The following GPC5 variants were observed in gnomAD, a reference collection of about 807,000 sequenced individuals.
GPC5 encodes the protein glypican-5.
GPC5 carries 47 observed loss-of-function variants against 53.9 expected under a neutral mutation model. The ratio of observed to expected loss-of-function variants is 0.87; its 90% CI spans 0.69 to 1.11. The LOEUF (loss-of-function observed/expected upper bound fraction) is 1.11. Ranked by LOEUF, GPC5 falls within the 50% of genes most tolerant of loss-of-function variation. The pLI, the probability that GPC5 is intolerant of heterozygous loss-of-function variation, is 0.00. For missense variants in GPC5, 748 were observed against 713.1 expected, an observed-to-expected ratio of 1.05 and a Z score of -0.56; for synonymous variants, 286 against 263.3, an observed-to-expected ratio of 1.09 and a Z score of -0.84.
At chr13:92,040,171 G>T (rs1360487470) in intron 6 of GPC5, among the ~76,000 whole-genome samples, 3 of 152,134 alleles carry the variant, frequency 2.0e-5, no homozygotes, top group African/African-American at 7.2e-5. Flanking sequence ...TAACATTGAT[G>T]GGGGAAAAAA....
At chr13:92,119,470 C>G (rs2041629179) in intron 6 of GPC5, among the ~76,000 whole-genome samples, 1 of 136,794 alleles carries the variant, frequency 7.3e-6, no homozygotes, top group South Asian at 2.3e-4. Context: ...GCGATCTCGG[C>G]TCACTGCAGG....
chr13:92,636,016 A>G (rs1483611592), intron 7 of GPC5, among the ~76,000 whole-genome samples: 1 of 152,230 alleles, frequency 6.6e-6, no homozygotes, highest in Non-Finnish European at 1.5e-5. Flanking sequence ...TGAATTATAA[A>G]TAGAGTGAAT....
chr13:92,857,919 A>G (rs1314522617), intron 7 of GPC5, among the ~76,000 whole-genome samples: 3 of 152,178 alleles, frequency 2.0e-5, no homozygotes, highest in African/African-American at 4.8e-5. Context: ...AGATTTCTCA[A>G]TGAAATAAAA....
At chr13:91,449,895 T>C (rs935916013) in intron 2 of GPC5, among the ~76,000 whole-genome samples, 4 of 152,172 alleles carry the variant, frequency 2.6e-5, no homozygotes, top group African/African-American at 4.8e-5. Context: ...TGAAAATATC[T>C]AGATTATACA....
rs184861563 is a variant in GPC5, at chr13:92,522,099, G to A, written c.1562-344183G>A. On this transcript the variant is annotated intron_variant, in intron 7 of 7. Transcript: ENST00000377067. ...TCTCACACCAGTTAGAATGGCGATC[G>A]TTAAAAAGTCAGGAAACAACAGGTG... Among the ~76,000 whole-genome samples the A allele has an allele frequency of 1.3e-3, 201 of 152,188 alleles. 1 individual carries two copies. The highest frequency in any genetic ancestry group is 6.8e-3 in the Middle Eastern group (2 of 294).
intron 7 of GPC5, among the ~76,000 whole-genome samples, chr13:92,469,688 A>C (rs1878836199): frequency 6.6e-6 from 1 of 152,114 alleles, no homozygotes; most frequent in South Asian, 2.1e-4. Flanking sequence ...TGTTTAATTG[A>C]ACTTCTTGTA....
chr13:92,319,533 T>A (rs1202610057), intron 7 of GPC5, among the ~76,000 whole-genome samples: 6 of 152,162 alleles, frequency 3.9e-5, no homozygotes, highest in South Asian at 4.1e-4. Context: ...TAAAGCATGA[T>A]CCACTTAACA....
At chr13:92,470,553 G>A (rs1486020116) in intron 7 of GPC5, among the ~76,000 whole-genome samples, 2 of 151,934 alleles carry the variant, frequency 1.3e-5, no homozygotes, top group Non-Finnish European at 2.9e-5. Context: ...AAAACAGAAA[G>A]GCAAACTATA....
chr13:92,036,903 C>T (rs2040897682), intron 6 of GPC5, among the ~76,000 whole-genome samples: 1 of 152,160 alleles, frequency 6.6e-6, no homozygotes, highest in Admixed American at 6.5e-5. Flanking sequence ...TGATCTAGTA[C>T]AATTCTTTAC....
chr13:92,848,154 A>C (rs933161787), intron 7 of GPC5, among the ~76,000 whole-genome samples: 16 of 152,202 alleles, frequency 1.1e-4, no homozygotes, highest in African/African-American at 3.9e-4. Context: ...TATGTAAATA[A>C]AAATCATATT....
chr13:91,639,835 C>A lies in GPC5; in HGVS notation c.326-53352C>A, dbSNP rs1185976598. ...TTATTTGATTTCAATCTTGATACAA[C>A]CCTGAAAAGTAGGCTTTATTGTCTT... On this transcript the variant is annotated intron_variant, in intron 2 of 7. Transcript: ENST00000377067. Among the ~76,000 whole-genome samples the A allele has an allele frequency of 2.0e-5, 3 of 152,142 alleles. No individual in the cohort carries two copies. The East Asian group carries it at 5.8e-4, about 29-fold the overall frequency.
chr13:92,482,688 C>A (rs1879403746), intron 7 of GPC5, among the ~76,000 whole-genome samples: 1 of 152,064 alleles, frequency 6.6e-6, no homozygotes, highest in Admixed American at 6.6e-5. Context: ...GAGTGGAAGT[C>A]AGGTACACTT....
intron 7 of GPC5, among the ~76,000 whole-genome samples, chr13:92,493,485 C>T (rs538977207): frequency 1.4e-4 from 22 of 151,938 alleles, no homozygotes; most frequent in African/African-American, 5.3e-4. Flanking sequence ...GTAGTGAGAA[C>T]GATAATATTT....
intron 6 of GPC5, among the ~76,000 whole-genome samples, chr13:92,036,839 A>G (rs1322575698): frequency 1.3e-5 from 2 of 152,202 alleles, no homozygotes; most frequent in Admixed American, 6.5e-5. Context: ...TTAGTTAACT[A>G]GTACCTTCAG....
chr13:92,078,955 T>C (rs1235660413), intron 6 of GPC5, among the ~76,000 whole-genome samples: 23 of 152,200 alleles, frequency 1.5e-4, no homozygotes, highest in Admixed American at 9.8e-4. Context: ...ACCTCAGAGC[T>C]CTGTGCAGTG....
At chr13:91,754,732 T>C (rs1206831540) in intron 4 of GPC5, among the ~76,000 whole-genome samples, 4 of 152,174 alleles carry the variant, frequency 2.6e-5, no homozygotes, top group African/African-American at 7.2e-5. Context: ...TTGATATTTG[T>C]TCATGCATTA....
intron 2 of GPC5, among the ~76,000 whole-genome samples, chr13:91,585,971 A>T (rs1014900066): frequency 6.6e-6 from 1 of 151,584 alleles, no homozygotes; most frequent in Non-Finnish European, 1.5e-5. Context: ...GAACTTATTA[A>T]CATCAGTGTT....
intron 7 of GPC5, among the ~76,000 whole-genome samples, chr13:92,270,951 G>T (rs9523571): frequency 0.29 from 44,710 of 152,012 alleles, 6,668 homozygotes; most frequent in Middle Eastern, 0.45. Context: ...CTTATGTGTG[G>T]TCTTTATGAA....
chr13:91,691,638 C>A (rs2035759669), intron 2 of GPC5, among the ~76,000 whole-genome samples: 1 of 152,168 alleles, frequency 6.6e-6, no homozygotes, highest in African/African-American at 2.4e-5. Context: ...ATATCTCACA[C>A]TAAAGCCTGG....
Sources: allele counts gnomAD v4.1 joint callset (sites outside exome capture counted in the v4.1 genomes callset), GRCh38; gene constraint gnomAD v4.1.1; transcripts MANE v1.5; gene names NCBI Gene and HGNC (gene_info 2026-07-23, HGNC 2026-07-21).